MTUS1: variants seen among roughly 807,000 people sequenced by gnomAD.
MTUS1 encodes the protein microtubule-associated tumor suppressor 1.
MTUS1 carries 109 observed loss-of-function variants against 120.8 expected under a neutral mutation model. That is an observed-to-expected ratio of 0.90 (90% CI 0.77 to 1.06). The LOEUF is 1.06. Among genes scored for constraint, MTUS1 ranks in the 50% least tolerant of loss-of-function variants. MTUS1 has a pLI of 0.00. For missense variants in MTUS1, 2,210 were observed against 1,486.3 expected, an observed-to-expected ratio of 1.49 and a Z score of -8.01; for synonymous variants, 737 against 550.5, an observed-to-expected ratio of 1.34 and a Z score of -4.74.
chr8:17,674,152 T>G (rs1563177825), intron 8 of MTUS1, among the ~76,000 whole-genome samples: 1 of 152,206 alleles, frequency 6.6e-6, no homozygotes, highest in East Asian at 1.9e-4. Flanking sequence ...GAAAAGGGAG[T>G]GTCGGCTGGG....
intron 1 of MTUS1, among the ~76,000 whole-genome samples, chr8:17,774,360 T>C (rs966078930): frequency 7.2e-5 from 11 of 152,216 alleles, no homozygotes; most frequent in Non-Finnish European, 1.3e-4. Context: ...TCCTACTTGA[T>C]TCTGGCTAGT....
intron 7 of MTUS1, among the ~76,000 whole-genome samples, chr8:17,678,708 C>A (rs915955276): frequency 2.0e-5 from 3 of 150,572 alleles, no homozygotes; most frequent in Admixed American, 2.0e-4. Context: ...ATTCAAAATT[C>A]ACCTTTGTTC....
intron 6 of MTUS1, among the ~76,000 whole-genome samples, chr8:17,694,196 G>C (rs1817512276): frequency 6.6e-6 from 1 of 152,058 alleles, no homozygotes; most frequent in African/African-American, 2.4e-5. Flanking sequence ...CAAAGTACTG[G>C]GATTATAGGT....
intron 1 of MTUS1, among the ~76,000 whole-genome samples, chr8:17,758,459 C>G (rs1198756283): frequency 2.0e-5 from 3 of 152,202 alleles, no homozygotes; most frequent in Non-Finnish European, 4.4e-5. Context: ...CATATAACTC[C>G]TTAGTGAAAT....
chr8:17,738,682 C>T (rs1352164102), intron 3 of MTUS1, among the ~76,000 whole-genome samples: 3 of 152,064 alleles, frequency 2.0e-5, no homozygotes, highest in Admixed American at 2.0e-4. Flanking sequence ...GTATTAAGCC[C>T]GGCATGCATT....
chr8:17,748,527 G>A (rs979599235), intron 2 of MTUS1, among the ~76,000 whole-genome samples: 1 of 152,184 alleles, frequency 6.6e-6, no homozygotes, highest in Non-Finnish European at 1.5e-5. Context: ...GGCCCACTGA[G>A]CTGATGACAC....
intron 6 of MTUS1, among the ~76,000 whole-genome samples, chr8:17,710,006 C>CA (rs111339314): frequency 1.0e-3 from 144 of 141,580 alleles, no homozygotes; most frequent in East Asian, 3.9e-3. Context: ...GACTCTGTCT[C>CA]AAAAAAAAAA....
chr8:17,765,149 G>C (rs981973178), intron 1 of MTUS1, among the ~76,000 whole-genome samples: 1 of 152,134 alleles, frequency 6.6e-6, no homozygotes, highest in Admixed American at 6.5e-5. Context: ...ACACTCCCAG[G>C]AGAATCTGAT....
intron 3 of MTUS1, among the ~76,000 whole-genome samples, chr8:17,727,774 G>A (rs562256733): frequency 3.3e-4 from 50 of 152,208 alleles, no homozygotes; most frequent in Non-Finnish European, 6.3e-4. Flanking sequence ...TGACCTCAGT[G>A]GTTTATTTTA....
chr8:17,724,488 AT>A (rs201998569), intron 3 of MTUS1, among the ~76,000 whole-genome samples: 7,234 of 149,326 alleles, frequency 0.048, 207 homozygotes, highest in African/African-American at 0.077. Flanking sequence ...TACTATTAAG[AT>A]TTTTTTTTTT....
At chr8:17,772,437 A>G (rs2050086817) in intron 1 of MTUS1, among the ~76,000 whole-genome samples, 1 of 152,212 alleles carries the variant, frequency 6.6e-6, no homozygotes, top group African/African-American at 2.4e-5. Context: ...GGATTTAAAG[A>G]GATTCATAAT....
chr8:17,746,259 C>G (rs948237179), intron 2 of MTUS1, among the ~76,000 whole-genome samples: 4 of 152,140 alleles, frequency 2.6e-5, no homozygotes, highest in African/African-American at 9.7e-5. Context: ...CTGGTACATC[C>G]AAATCCACAT....
chr8:17,692,174 T>C (rs973604830), intron 6 of MTUS1: 1 of 152,192 alleles, frequency 6.6e-6, no homozygotes, highest in Non-Finnish European at 1.5e-5. Context: ...GATATTCCAA[T>C]AGAGCTCTTA....
intron 7 of MTUS1, among the ~76,000 whole-genome samples, chr8:17,680,069 G>A (rs1001738173): frequency 5.3e-5 from 8 of 151,962 alleles, no homozygotes; most frequent in Non-Finnish European, 8.8e-5. Context: ...GCATTAAACC[G>A]GTATCTCTAA....
At chr8:17,679,603 G>A (rs1813903864) in intron 7 of MTUS1, among the ~76,000 whole-genome samples, 1 of 152,008 alleles carries the variant, frequency 6.6e-6, no homozygotes, top group Non-Finnish European at 1.5e-5. Context: ...TTGGGTTCAA[G>A]CGATTCGTAT....
In MTUS1 at chr8:17,754,357, ATTG is replaced by A. The variant is rs529189044; in HGVS notation, c.1448_1450del (p.Thr483del). On this transcript the variant is annotated inframe_deletion, in exon 2 of 15. Coordinates refer to ENST00000693296, the MANE Select transcript of MTUS1 (RefSeq NM_001363059.2). Reference sequence around the variant, plus strand: ...GCAGCCTATTGGGGTATTCGTTTTGATTGTTGATTTTCCTAAACTGGGTTTACA... The same window carrying A: ...GCAGCCTATTGGGGTATTCGTTTTGATTGATTTTCCTAAACTGGGTTTACA... 193 of 1,613,944 alleles carry A rather than the reference ATTG, an allele frequency of 1.2e-4. No individual in the cohort carries two copies. In the African/African-American group the frequency reaches 2.3e-3, roughly 19 times the overall value.
At position 17,754,636 on chromosome 8, in the gene MTUS1, T is replaced by C; in HGVS notation, c.1172A>G (p.His391Arg). The change falls in exon 2 of 15, where the codon CAT becomes CGT. Residue 391 changes from histidine (H) to arginine (R), a missense_variant. Physicochemically the swap from His to Arg is conservative, Grantham distance 29. Coordinates refer to ENST00000693296, the MANE Select transcript of MTUS1 (RefSeq NM_001363059.2). ...GCTACTTAGAATCAATTCTGAGGTATGATTTTGGGTTCCCAAATCCTTTCC... is the reference window on the plus strand; with the variant it reads ...GCTACTTAGAATCAATTCTGAGGTACGATTTTGGGTTCCCAAATCCTTTCC... ...SKGKDLGTQNHTSELILSSPP... is the reference protein window; with the variant it reads ...SKGKDLGTQNRTSELILSSPP... 1 of 1,614,240 alleles carries C rather than the reference T, an allele frequency of 6.2e-7. No individual in the cohort carries two copies. Among genetic ancestry groups the C allele is most frequent in the South Asian group, 1.1e-5 (1 of 91,086 alleles).
intron 6 of MTUS1, among the ~76,000 whole-genome samples, chr8:17,706,752 T>C (rs4641107): frequency 0.48 from 72,622 of 152,076 alleles, 18,205 homozygotes; most frequent in African/African-American, 0.63. Flanking sequence ...GAATCATTTA[T>C]GAATGTGATA....
Position 17,755,432 on chromosome 8 carries a change from CTTCT to C in MTUS1, c.372_375del (p.Glu125GlnfsTer21). The C allele has an allele frequency of 6.2e-7, 1 of 1,614,192 alleles. No homozygotes were observed. Among genetic ancestry groups the C allele is most frequent in the Non-Finnish European group, 8.5e-7 (1 of 1,180,020 alleles). The stretch of plus-strand genomic sequence containing the variant: ...GGCTCAACACTCTGGCCCTCAACTG[CTTCT>C]AGGGAATGACAACTGTGTTGCAGAT... On this transcript the variant is annotated frameshift_variant, in exon 2 of 15. Transcript: ENST00000693296. LOFTEE classifies it high-confidence loss of function.
Sources: gnomAD v4.1 joint callset for allele counts (sites outside exome capture counted in the v4.1 genomes callset) on GRCh38, gnomAD v4.1.1 for gene constraint, MANE v1.5 for transcripts, NCBI Gene and HGNC (gene_info 2026-07-23, HGNC 2026-07-21) for gene names.